The following AGBL4 variants were observed in gnomAD, a reference collection of about 807,000 sequenced individuals.
The protein encoded by AGBL4 is AGBL carboxypeptidase 4, also known as cytosolic carboxypeptidase 6.
In AGBL4, 58 loss-of-function variants were observed where a neutral mutation model predicts 66.4. The observed-to-expected ratio is 0.87, with a 90% CI of 0.71 to 1.09. AGBL4 has a LOEUF of 1.09. Among genes scored for constraint, AGBL4 ranks in the 50% least tolerant of loss-of-function variants. AGBL4 has a pLI of 0.00. For missense variants in AGBL4, 579 were observed against 631.0 expected, an observed-to-expected ratio of 0.92 and a Z score of 0.88; for synonymous variants, 234 against 222.9, an observed-to-expected ratio of 1.05 and a Z score of -0.44.
intron 3 of AGBL4, among the ~76,000 whole-genome samples, chr1:49,304,292 T>G (rs1440548330): frequency 6.6e-6 from 1 of 152,204 alleles, no homozygotes; most frequent in Non-Finnish European, 1.5e-5. Flanking sequence ...TGTGCAGTCT[T>G]ATTTCTGAGA....
chr1:49,020,621 T>C (rs1663173619), intron 5 of AGBL4, among the ~76,000 whole-genome samples: 1 of 152,120 alleles, frequency 6.6e-6, no homozygotes, highest in Non-Finnish European at 1.5e-5. Flanking sequence ...GAGGGCTTCC[T>C]AGTTCTTAGC....
At chr1:49,340,532 C>T (rs1645518383) in intron 3 of AGBL4, among the ~76,000 whole-genome samples, 1 of 152,178 alleles carries the variant, frequency 6.6e-6, no homozygotes, top group Non-Finnish European at 1.5e-5. Context: ...ATGAAAATGA[C>T]TTACTCAGGT....
intron 9 of AGBL4, among the ~76,000 whole-genome samples, chr1:48,631,291 C>A (rs1645588633): frequency 6.6e-6 from 1 of 152,176 alleles, no homozygotes; most frequent in Non-Finnish European, 1.5e-5. Context: ...TGCAACTGGG[C>A]ACAAAGATGT....
At chr1:49,044,724 T>C (rs1430598973) in intron 5 of AGBL4, among the ~76,000 whole-genome samples, 20 of 152,092 alleles carry the variant, frequency 1.3e-4, no homozygotes, top group Admixed American at 1.2e-3. Context: ...AGAGAGCTCA[T>C]ATCAAAGTGA....
At chr1:49,586,587 G>A (rs1024984547) in intron 3 of AGBL4, among the ~76,000 whole-genome samples, 2 of 151,998 alleles carry the variant, frequency 1.3e-5, no homozygotes, top group Non-Finnish European at 2.9e-5. Flanking sequence ...GATAAAAGAG[G>A]ATATCCTGCT....
chr1:49,673,799 A>C (rs544311259), intron 3 of AGBL4, among the ~76,000 whole-genome samples: 1 of 152,180 alleles, frequency 6.6e-6, no homozygotes, highest in South Asian at 2.1e-4. Context: ...GAAAGACATA[A>C]GTATAAACAA....
intron 4 of AGBL4, among the ~76,000 whole-genome samples, chr1:49,121,643 C>T (rs1645655954): frequency 6.6e-6 from 1 of 152,178 alleles, no homozygotes; most frequent in Non-Finnish European, 1.5e-5. Flanking sequence ...AGGCGTCTCC[C>T]AGTTAGGCTA....
intron 6 of AGBL4, among the ~76,000 whole-genome samples, chr1:48,821,959 A>G (rs2148771384): frequency 6.6e-6 from 1 of 152,344 alleles, no homozygotes; most frequent in African/African-American, 2.4e-5. Context: ...AACTCATGAA[A>G]AAGTGTTGAA....
At chr1:48,529,641 A>C (rs1027435845), downstream of AGBL4, among the ~76,000 whole-genome samples, 8 of 152,078 alleles carry the variant, frequency 5.3e-5, 1 homozygote, top group African/African-American at 1.9e-4. Flanking sequence ...AGACTTCTTT[A>C]GTGCTCAGAA....
At chr1:48,766,057 T>C (rs947018982) in intron 6 of AGBL4, among the ~76,000 whole-genome samples, 2 of 152,150 alleles carry the variant, frequency 1.3e-5, no homozygotes, top group Non-Finnish European at 2.9e-5. Context: ...CACTTTAAAA[T>C]GGTTAAAATG....
At chr1:48,909,415 AT>A (rs1484307239) in intron 5 of AGBL4, among the ~76,000 whole-genome samples, 10 of 152,214 alleles carry the variant, frequency 6.6e-5, no homozygotes. Flanking sequence ...TAGATACAGC[AT>A]GTTCAGATTA....
At chr1:49,648,716 G>C (rs1645941544) in intron 3 of AGBL4, among the ~76,000 whole-genome samples, 2 of 151,462 alleles carry the variant, frequency 1.3e-5, no homozygotes, top group South Asian at 2.1e-4. Flanking sequence ...GTAAAATATT[G>C]AAAGTGTGGA....
At chr1:49,844,178 G>A (rs954138122) in intron 2 of AGBL4, among the ~76,000 whole-genome samples, 1 of 152,194 alleles carries the variant, frequency 6.6e-6, no homozygotes, top group Non-Finnish European at 1.5e-5. Flanking sequence ...TTTACATCTA[G>A]AGTGAGATGG....
At chr1:49,734,286 GGA>G (rs535497795) in intron 2 of AGBL4, among the ~76,000 whole-genome samples, 1 of 150,930 alleles carries the variant, frequency 6.6e-6, no homozygotes. Flanking sequence ...AGGGGAGAGG[GGA>G]GAGAGAGAGA....
intron 1 of AGBL4, among the ~76,000 whole-genome samples, chr1:49,926,488 C>A (rs1652787301): frequency 6.6e-6 from 1 of 152,166 alleles, no homozygotes; most frequent in Non-Finnish European, 1.5e-5. Context: ...GCCCAGACAC[C>A]ATCAAACATC....
intron 3 of AGBL4, among the ~76,000 whole-genome samples, chr1:49,495,287 T>C (rs1161331724): frequency 6.6e-6 from 1 of 152,128 alleles, no homozygotes; most frequent in Non-Finnish European, 1.5e-5. Context: ...GTGGGCCGCA[T>C]GTGGCTCACA....
chr1:49,973,219 T>C (rs1176637583), intron 1 of AGBL4, among the ~76,000 whole-genome samples: 1 of 152,150 alleles, frequency 6.6e-6, no homozygotes, highest in East Asian at 1.9e-4. Context: ...CTGCAACCCC[T>C]TGTAAAGTAA....
chr1:49,227,408 G>A (rs953271665), intron 4 of AGBL4, among the ~76,000 whole-genome samples: 2 of 151,926 alleles, frequency 1.3e-5, no homozygotes, highest in Admixed American at 6.6e-5. Context: ...GGATTACAAC[G>A]AATGTGTCCT....
chr1:49,845,012 G>A lies in AGBL4; in HGVS notation c.157+6384C>T, dbSNP rs571445941. ...CAAGGCCCCCACACGTGGGGAACACGTGGAAAAAGGGAGAAGCCAGACCTA... is the reference window on the plus strand; with the variant it reads ...CAAGGCCCCCACACGTGGGGAACACATGGAAAAAGGGAGAAGCCAGACCTA... On this transcript the variant is annotated intron_variant, in intron 2 of 13. Coordinates refer to ENST00000371839, the MANE Select transcript of AGBL4 (RefSeq NM_032785.4). 94 of 1,439,128 alleles carry A rather than the reference G, an allele frequency of 6.5e-5. 1 individual carries two copies. The highest frequency in any genetic ancestry group is 2.4e-4 in the South Asian group (19 of 78,908). The allele number at this position is 1,439,128 out of a possible 1,614,324, so 89.1% of individuals were successfully genotyped here.
Sources: gnomAD v4.1 joint callset for allele counts (sites outside exome capture counted in the v4.1 genomes callset) on GRCh38, gnomAD v4.1.1 for gene constraint, MANE v1.5 for transcripts, NCBI Gene and HGNC (gene_info 2026-07-23, HGNC 2026-07-21) for gene names.